TMEM26: variants seen among roughly 807,000 people sequenced by gnomAD.
The protein encoded by TMEM26 is transmembrane protein 26.
A neutral mutation model predicts 28.8 loss-of-function variants in TMEM26; 38 were observed. The observed-to-expected ratio is 1.32, with a 90% CI of 1.02 to 1.73. The LOEUF (loss-of-function observed/expected upper bound fraction) is 1.73. Ranked by LOEUF, TMEM26 falls within the 40% of genes most tolerant of loss-of-function variation. The probability of loss-of-function intolerance (pLI) is 0.00; values close to 1 mark genes in which losing one functional copy is unlikely to be tolerated. For synonymous variants in TMEM26, 227 were observed against 182.9 expected, an observed-to-expected ratio of 1.24 and a Z score of -1.95; for missense variants, 518 against 447.1, an observed-to-expected ratio of 1.16 and a Z score of -1.43.
intron 1 of TMEM26, among the ~76,000 whole-genome samples, chr10:61,443,613 C>T (rs548900257): frequency 3.3e-5 from 5 of 152,034 alleles, no homozygotes; most frequent in African/African-American, 4.8e-5. Flanking sequence ...TTTGTATTTC[C>T]GAAGCCCTTG....
chr10:61,440,104 G>A (rs2135325863), intron 1 of TMEM26, among the ~76,000 whole-genome samples: 1 of 152,146 alleles, frequency 6.6e-6, no homozygotes, highest in South Asian at 2.1e-4. Flanking sequence ...GTCGGGCATG[G>A]TGGCTTGCAC....
chr10:61,410,714 C>G lies in TMEM26; in HGVS notation c.715G>C (p.Glu239Gln). The change falls in exon 6 of 6, where the codon GAG (glutamate) becomes CAG (glutamine). Residue 239 changes from glutamate (E) to glutamine (Q), a missense_variant. Glu to Gln is a conservative substitution (Grantham distance 29, BLOSUM62 2). Coordinates refer to ENST00000399298, the MANE Select transcript of TMEM26 (RefSeq NM_178505.8). ...QNVVCPVSVT[E>Q]RGFPSLFFCQ... The stretch of plus-strand genomic sequence containing the variant: ...AAGAACAGGCTGGGGAATCCCCTCT[C>G]TGTCACAGACACAGGGCACACAACG... The G allele has an allele frequency of 6.2e-7, 1 of 1,614,130 alleles. No homozygotes were observed. Among genetic ancestry groups the G allele is most frequent in the Non-Finnish European group, 8.5e-7 (1 of 1,180,018 alleles).
At chr10:61,434,381 A>G (rs1327952007) in intron 2 of TMEM26, among the ~76,000 whole-genome samples, 1 of 152,192 alleles carries the variant, frequency 6.6e-6, no homozygotes, top group Non-Finnish European at 1.5e-5. Context: ...TTTGAGCTGT[A>G]TATCAATTAA....
rs1198487128 is a variant in TMEM26, at chr10:61,409,444, C to T, written c.*878G>A. On this transcript the variant is annotated 3_prime_UTR_variant, in exon 6 of 6. Coordinates refer to ENST00000399298, the MANE Select transcript of TMEM26 (RefSeq NM_178505.8). The stretch of plus-strand genomic sequence containing the variant: ...GCAGACACCAGAAACCATGGAAACA[C>T]TTACAGGGCCCGAAACACCTTTATT... 1 of 152,248 alleles carries T rather than the reference C, an allele frequency of 6.6e-6. No homozygotes were observed. Among genetic ancestry groups the T allele is most frequent in the Non-Finnish European group, 1.5e-5 (1 of 68,078 alleles). The allele number at this position is 152,248 out of a possible 1,614,324, so 9.4% of individuals were successfully genotyped here.
chr10:61,414,640 T>C (rs188040004), intron 4 of TMEM26: 1 of 152,184 alleles, frequency 6.6e-6, no homozygotes, highest in East Asian at 1.9e-4. Context: ...GAAATATGTC[T>C]TGAAGTACAA....
intron 1 of TMEM26, among the ~76,000 whole-genome samples, chr10:61,437,550 A>G (rs113861473): frequency 6.6e-6 from 1 of 152,248 alleles, no homozygotes; most frequent in Non-Finnish European, 1.5e-5. Context: ...TTGGGAGGCC[A>G]AGGCAGGTGG....
rs1238816217 is a variant in TMEM26 at position 61,409,674 on chromosome 10, C to T, written c.*648G>A. 1 of 152,332 alleles carries T rather than the reference C, an allele frequency of 6.6e-6. No individual in the cohort carries two copies. Among genetic ancestry groups the T allele is most frequent in the Middle Eastern group, 3.4e-3 (1 of 294 alleles). The allele number at this position is 152,332 out of a possible 1,614,324, so 9.4% of individuals were successfully genotyped here. On this transcript the variant is annotated 3_prime_UTR_variant, in exon 6 of 6. Transcript: ENST00000399298. The stretch of plus-strand genomic sequence containing the variant: ...AAATGGCTTGCTGTGAATTTTGTAG[C>T]ACCCAAGACAAAAGCAATAAAATTT...
intron 1 of TMEM26, among the ~76,000 whole-genome samples, chr10:61,449,323 C>T (rs533779455): frequency 9.2e-5 from 14 of 152,206 alleles, no homozygotes; most frequent in South Asian, 2.1e-4. Flanking sequence ...ATGTTGTTGG[C>T]TCACCCTCTC....
intron 5 of TMEM26, among the ~76,000 whole-genome samples, chr10:61,411,026 G>A (rs992183344): frequency 7.9e-5 from 12 of 152,002 alleles, no homozygotes; most frequent in African/African-American, 2.4e-4. Context: ...GCCAGTCATG[G>A]TCACAAGTGC....
At position 61,412,812 on chromosome 10, in the gene TMEM26, G is replaced by A. The variant is rs189134847; in HGVS notation, c.682+647C>T. Reference sequence around the variant, plus strand: ...CAATTTAAAGAGCGATGTGTGGTTGGTGGGTCCCCTGTTGAACAATGCAGC... The same window carrying A: ...CAATTTAAAGAGCGATGTGTGGTTGATGGGTCCCCTGTTGAACAATGCAGC... On this transcript the variant is annotated intron_variant, in intron 5 of 5. Transcript: ENST00000399298. 2.9e-5 allele frequency: 11 copies of A among 373,476 alleles called. No individual in the cohort carries two copies. The East Asian group carries it at 1.1e-3, about 36-fold the overall frequency. The allele number at this position is 373,476 out of a possible 1,614,324, so 23.1% of individuals were successfully genotyped here. A position where few individuals can be genotyped will look rare whatever the true frequency, so the allele number is the denominator to read the frequency against.
chr10:61,417,178 G>T, intron 4 of TMEM26, among the ~76,000 whole-genome samples: 1 of 151,992 alleles, frequency 6.6e-6, no homozygotes. Flanking sequence ...TCCCATGTGT[G>T]TAATCTGCCT....
intron 4 of TMEM26, among the ~76,000 whole-genome samples, chr10:61,416,559 T>C (rs997238282): frequency 6.6e-6 from 1 of 152,032 alleles, no homozygotes; most frequent in Non-Finnish European, 1.5e-5. Context: ...CACAAGCTAT[T>C]ATGGTAGATC....
intron 1 of TMEM26, among the ~76,000 whole-genome samples, chr10:61,451,556 C>T (rs921134015): frequency 3.3e-5 from 5 of 152,176 alleles, no homozygotes; most frequent in East Asian, 1.9e-4. Context: ...TTCTTTATCC[C>T]TGAGGCTTAC....
At chr10:61,452,782 G>A (rs1840310320) in intron 1 of TMEM26, 109 bp downstream of exon 1, 3 of 1,347,870 alleles carry the variant, frequency 2.2e-6, no homozygotes, top group Non-Finnish European at 2.1e-6. Context: ...GGAAAAACGG[G>A]GTCCAAATTC....
rs1264391792 is a variant in TMEM26, at chr10:61,408,031, C to A, written c.*2291G>T. On this transcript the variant is annotated 3_prime_UTR_variant, in exon 6 of 6. Coordinates refer to ENST00000399298, the MANE Select transcript of TMEM26 (RefSeq NM_178505.8). Reference sequence around the variant, plus strand: ...GTCTTAGGAATGGCTAATATATAACCTAGGTTTAGAGCTTTTATTCAAATA... The same window carrying A: ...GTCTTAGGAATGGCTAATATATAACATAGGTTTAGAGCTTTTATTCAAATA... 2 of 152,100 alleles carry A rather than the reference C, an allele frequency of 1.3e-5. No individual in the cohort carries two copies. Among genetic ancestry groups the A allele is most frequent in the Non-Finnish European group, 2.9e-5 (2 of 68,022 alleles). 9.4% of individuals were successfully genotyped at this position (152,100 alleles called of 1,614,324 possible).
intron 2 of TMEM26, among the ~76,000 whole-genome samples, chr10:61,433,752 C>G (rs1195019461): frequency 6.6e-6 from 1 of 152,082 alleles, no homozygotes; most frequent in African/African-American, 2.4e-5. Flanking sequence ...TTAAATTACT[C>G]TTTTCTACAA....
chr10:61,412,190 T>A (rs1839578984), intron 5 of TMEM26, among the ~76,000 whole-genome samples: 1 of 152,114 alleles, frequency 6.6e-6, no homozygotes, highest in South Asian at 2.1e-4. Flanking sequence ...ATTCTGTAAG[T>A]GGACACCAGC....
At chr10:61,451,748 T>C (rs999102939) in intron 1 of TMEM26, among the ~76,000 whole-genome samples, 1 of 152,206 alleles carries the variant, frequency 6.6e-6, no homozygotes, top group African/African-American at 2.4e-5. Flanking sequence ...TTGATAATTC[T>C]AGAAATTTTT....
At chr10:61,442,560 A>G (rs1408284153) in intron 1 of TMEM26, among the ~76,000 whole-genome samples, 1 of 152,038 alleles carries the variant, frequency 6.6e-6, no homozygotes, top group Non-Finnish European at 1.5e-5. Flanking sequence ...TCATTTCTCA[A>G]TATTTTCTCC....
Sources: allele counts gnomAD v4.1 joint callset (sites outside exome capture counted in the v4.1 genomes callset), GRCh38; gene constraint gnomAD v4.1.1; transcripts MANE v1.5; gene names NCBI Gene and HGNC (gene_info 2026-07-23, HGNC 2026-07-21).